Variants in ZNF148 observed in about 807,000 individuals in gnomAD.
ZNF148 encodes the protein zinc finger protein 148.
In ZNF148, 7 loss-of-function variants were observed where a neutral mutation model predicts 67.7. The observed-to-expected ratio is 0.10, with a 90% CI of 0.06 to 0.19. The LOEUF is 0.19. Among genes scored for constraint, ZNF148 ranks in the 10% least tolerant of loss-of-function variants. The pLI, the probability that ZNF148 is intolerant of heterozygous loss-of-function variation, is 1.00. For missense variants in ZNF148, 583 were observed against 947.1 expected (o/e 0.62, Z 5.05); for synonymous variants, 333 against 330.7 (o/e 1.01, Z -0.08).
chr3:125,239,399 A>C (rs1351565072), intron 7 of ZNF148, among the ~76,000 whole-genome samples: 2 of 152,206 alleles, frequency 1.3e-5, no homozygotes, highest in Admixed American at 1.3e-4. Context: ...AAGATATACA[A>C]ATGACCAATC....
Position 125,233,157 on chromosome 3 carries a change from C to T in ZNF148, c.1569G>A (p.Leu523=), listed in dbSNP as rs1449474976. 1.9e-6 allele frequency: 3 copies of T among 1,613,860 alleles called. No homozygotes were observed. The highest frequency in any genetic ancestry group is 1.1e-5 in the South Asian group (1 of 91,074). ...CATGATTACTCTTAATCTCCACATT[C>T]AGTGCCTGTGACTCTAATATGGATG... is the stretch of plus-strand genomic sequence containing the variant. ...TTASILESQA[L]NVEIKSNHDK... The change falls in exon 9 of 9, where the codon CTG becomes CTA. Residue 523 remains leucine (L), a synonymous_variant. Coordinates refer to ENST00000360647, the MANE Select transcript of ZNF148 (RefSeq NM_021964.3). The surrounding 1 kb of genome is among the most constrained non-coding windows in gnomAD (Gnocchi z 5.1).
chr3:125,325,271 T>C (rs1940968445), intron 2 of ZNF148, among the ~76,000 whole-genome samples: 1 of 151,326 alleles, frequency 6.6e-6, no homozygotes, highest in South Asian at 2.1e-4. Context: ...CAAAAGAAAA[T>C]CAGTGACCTT....
chr3:125,260,414 A>C (rs570764645), intron 7 of ZNF148, among the ~76,000 whole-genome samples: 2 of 152,220 alleles, frequency 1.3e-5, no homozygotes, highest in African/African-American at 4.8e-5. Flanking sequence ...GTATTTTCCC[A>C]ATGGAATACT....
chr3:125,298,156 T>G (rs1353117661), intron 4 of ZNF148, among the ~76,000 whole-genome samples: 1 of 152,180 alleles, frequency 6.6e-6, no homozygotes, highest in Non-Finnish European at 1.5e-5. Flanking sequence ...GGGGTAGTAG[T>G]AATCTTTAGG....
chr3:125,366,611 T>C (rs142838678), intron 1 of ZNF148, among the ~76,000 whole-genome samples: 1 of 152,336 alleles, frequency 6.6e-6, no homozygotes, highest in Non-Finnish European at 1.5e-5. Flanking sequence ...GTTACTGTAT[T>C]ATGAAACTTC....
At chr3:125,313,956 T>C (rs1940358788) in intron 3 of ZNF148, among the ~76,000 whole-genome samples, 1 of 152,106 alleles carries the variant, frequency 6.6e-6, no homozygotes, top group Non-Finnish European at 1.5e-5. Context: ...AAGGGATCCA[T>C]ATTCTTTAAT....
At chr3:125,359,429 C>T (rs1361435471) in intron 1 of ZNF148, among the ~76,000 whole-genome samples, 1 of 152,144 alleles carries the variant, frequency 6.6e-6, no homozygotes, top group Admixed American at 6.5e-5. Flanking sequence ...GAAACATGAA[C>T]ATCAAAAACT....
intron 4 of ZNF148, among the ~76,000 whole-genome samples, chr3:125,297,941 A>G (rs1043347177): frequency 1.3e-5 from 2 of 152,206 alleles, no homozygotes; most frequent in African/African-American, 4.8e-5. Context: ...AATACCAAAC[A>G]TCTAGAAACA....
chr3:125,369,407 A>AT (rs397875016), intron 1 of ZNF148, among the ~76,000 whole-genome samples: 1 of 148,644 alleles, frequency 6.7e-6, no homozygotes, highest in Non-Finnish European at 1.5e-5. Flanking sequence ...AAAAAAAAAA[A>AT]GTGTGCCTCT....
intron 7 of ZNF148, among the ~76,000 whole-genome samples, chr3:125,247,596 C>A (rs549661653): frequency 1.3e-5 from 2 of 152,176 alleles, no homozygotes; most frequent in South Asian, 4.1e-4. Flanking sequence ...TACCACCAGG[C>A]CAGGCTAATT....
chr3:125,270,607 G>C (rs539760761), intron 7 of ZNF148, among the ~76,000 whole-genome samples: 2 of 152,310 alleles, frequency 1.3e-5, no homozygotes, highest in South Asian at 2.1e-4. Flanking sequence ...TCAAAGAGTA[G>C]AGAAACTTAT....
At chr3:125,296,606 A>T (rs896266918) in intron 4 of ZNF148, among the ~76,000 whole-genome samples, 19 of 152,194 alleles carry the variant, frequency 1.2e-4, no homozygotes, top group African/African-American at 4.3e-4. Flanking sequence ...TGTAGACTAC[A>T]ATTTGGCCAA....
chr3:125,242,979 T>C (rs1029985133), intron 7 of ZNF148, among the ~76,000 whole-genome samples: 2 of 152,240 alleles, frequency 1.3e-5, no homozygotes, highest in Admixed American at 1.3e-4. Flanking sequence ...TGCATTCTTC[T>C]CGTTTGTCCT....
intron 1 of ZNF148, among the ~76,000 whole-genome samples, chr3:125,367,291 C>T (rs74896423): frequency 0.01 from 1,567 of 152,308 alleles, 27 homozygotes; most frequent in African/African-American, 0.035. Flanking sequence ...TCTTCTCATG[C>T]TTTCCTCCAA....
rs71625788 is a variant in ZNF148 at position 125,317,713 on chromosome 3, ATTT to A, written c.-16-4060_-16-4058del. Among the ~76,000 whole-genome samples the A allele has an allele frequency of 1.8e-3, 237 of 134,504 alleles. 2 individuals are homozygous for A. The highest frequency in any genetic ancestry group is 4.0e-3 in the Middle Eastern group (1 of 252). 88.2% of individuals were successfully genotyped at this position (134,504 alleles called of 152,430 possible). A position where few individuals can be genotyped will look rare whatever the true frequency, so the allele number is the denominator to read the frequency against. On this transcript the variant is annotated intron_variant, in intron 3 of 8. Coordinates refer to ENST00000360647, the MANE Select transcript of ZNF148 (RefSeq NM_021964.3). Reference sequence around the variant, plus strand: ...TACACACACACATATATATATATATATTTTTTTTTTTTTCTGGTAAGAAACTTA... The same window carrying A: ...TACACACACACATATATATATATATATTTTTTTTTTCTGGTAAGAAACTTA...
chr3:125,349,584 G>A (rs1158289303), intron 1 of ZNF148, among the ~76,000 whole-genome samples: 2 of 152,196 alleles, frequency 1.3e-5, no homozygotes, highest in Admixed American at 6.5e-5. Flanking sequence ...ACTAACAGAT[G>A]TTGGTGAGGC....
At chr3:125,325,747 T>C (rs535933694) in intron 2 of ZNF148, among the ~76,000 whole-genome samples, 190 of 152,248 alleles carry the variant, frequency 1.2e-3, no homozygotes, top group African/African-American at 4.1e-3. Context: ...GTGCTGGGAT[T>C]ATAGGTATGA....
intron 6 of ZNF148, 42 bp downstream of exon 6, chr3:125,279,082 A>G: frequency 1.3e-6 from 2 of 1,540,162 alleles, no homozygotes; most frequent in Admixed American, 1.9e-5. Context: ...AACAAAGATA[A>G]TAACTTTAAT....
chr3:125,369,821 C>T (rs1272885127), intron 1 of ZNF148, among the ~76,000 whole-genome samples: 1 of 152,002 alleles, frequency 6.6e-6, no homozygotes, highest in South Asian at 2.1e-4. Flanking sequence ...ACTAAAAATA[C>T]AAAAATTAGC....
Sources: allele counts gnomAD v4.1 joint callset (sites outside exome capture counted in the v4.1 genomes callset), GRCh38; gene constraint gnomAD v4.1.1; non-coding constraint Gnocchi (gnomAD v3.1); transcripts MANE v1.5; gene names NCBI Gene and HGNC (gene_info 2026-07-23, HGNC 2026-07-21).